Variants in CTNND2 observed in about 807,000 individuals in gnomAD.
CTNND2 encodes catenin delta-2.
CTNND2 carries 22 observed loss-of-function variants against 144.4 expected under a neutral mutation model. That is an observed-to-expected ratio of 0.15 (90% CI 0.11 to 0.22). The LOEUF (loss-of-function observed/expected upper bound fraction) is 0.22. Ranked by LOEUF, CTNND2 falls within the 10% of genes least tolerant of loss-of-function variation. CTNND2 has a pLI of 1.00. For missense variants in CTNND2, 1,353 were observed against 1,618.8 expected, an observed-to-expected ratio of 0.84 and a Z score of 2.82; for synonymous variants, 751 against 695.6, an observed-to-expected ratio of 1.08 and a Z score of -1.25.
At position 11,799,426 on chromosome 5, in the gene CTNND2, C is replaced by T. The variant is rs1418442033; in HGVS notation, c.38-67154G>A. The stretch of plus-strand genomic sequence containing the variant: ...TTTTGAGACAGAATTTCATGGCTTA[C>T]AGTTCAATGTCTCTTTCTTCTTCCT... On this transcript the variant is annotated intron_variant, in intron 1 of 21. Coordinates refer to ENST00000304623, the MANE Select transcript of CTNND2 (RefSeq NM_001332.4). Among the ~76,000 whole-genome samples, 3 of 152,150 alleles carry T rather than the reference C, an allele frequency of 2.0e-5. No individual in the cohort carries two copies. The East Asian group carries it at 5.8e-4, about 29-fold the overall frequency.
At chr5:11,622,555 C>T (rs946033880) in intron 2 of CTNND2, among the ~76,000 whole-genome samples, 1 of 152,080 alleles carries the variant, frequency 6.6e-6, no homozygotes, top group African/African-American at 2.4e-5. Context: ...CCAAACCATT[C>T]TAAAAGGTGC....
chr5:11,541,851 G>GCA (rs1774783130), intron 3 of CTNND2, among the ~76,000 whole-genome samples: 1 of 61,892 alleles, frequency 1.6e-5, no homozygotes, highest in Admixed American at 1.3e-4. Flanking sequence ...CCCCCCCCCC[G>GCA]GCCAAAAGCC....
intron 2 of CTNND2, among the ~76,000 whole-genome samples, chr5:11,589,282 AACAC>A (rs34009518): frequency 2.2e-4 from 32 of 146,704 alleles, no homozygotes; most frequent in East Asian, 1.0e-3. Context: ...TTAACATTAA[AACAC>A]ACACACACAC....
At chr5:11,570,167 C>T (rs1347176578) in intron 2 of CTNND2, among the ~76,000 whole-genome samples, 1 of 152,182 alleles carries the variant, frequency 6.6e-6, no homozygotes, top group Non-Finnish European at 1.5e-5. Context: ...CTTCTCTTCA[C>T]ACAAACATAT....
At chr5:11,625,735 T>C (rs918176129) in intron 2 of CTNND2, among the ~76,000 whole-genome samples, 25 of 152,094 alleles carry the variant, frequency 1.6e-4, no homozygotes, top group African/African-American at 5.6e-4. Flanking sequence ...GTCTCCAATA[T>C]ACATGAAGAA....
At chr5:11,662,188 T>TATATATGTATATATATGTATATATATAC (rs1783274544) in intron 2 of CTNND2, among the ~76,000 whole-genome samples, 1 of 131,498 alleles carries the variant, frequency 7.6e-6, no homozygotes, top group Non-Finnish European at 1.7e-5. Flanking sequence ...CATATATGTG[T>TATATATGTATATATATGTATATATATAC]ATATATGTGT....
intron 9 of CTNND2, among the ~76,000 whole-genome samples, chr5:11,251,382 T>A (rs1743635854): frequency 6.6e-6 from 1 of 152,172 alleles, no homozygotes; most frequent in African/African-American, 2.4e-5. Context: ...CATCTTCACA[T>A]CCTCTCCTAT....
At chr5:11,702,865 AC>A (rs771261553) in intron 2 of CTNND2, among the ~76,000 whole-genome samples, 1 of 152,134 alleles carries the variant, frequency 6.6e-6, no homozygotes. Context: ...GACATCCTGG[AC>A]CCCAAACTGG....
At chr5:11,012,859 C>T (rs553299539) in intron 18 of CTNND2, among the ~76,000 whole-genome samples, 4 of 152,132 alleles carry the variant, frequency 2.6e-5, no homozygotes, top group Admixed American at 6.5e-5. Context: ...TGGAGGAATA[C>T]GTTCATTTTG....
At chr5:11,269,902 C>T (rs975097213) in intron 9 of CTNND2, among the ~76,000 whole-genome samples, 11 of 152,010 alleles carry the variant, frequency 7.2e-5, no homozygotes, top group South Asian at 2.1e-4. Flanking sequence ...TGATTGAAAA[C>T]GAAAAAAACA....
At chr5:11,031,849 C>T (rs571556528) in intron 16 of CTNND2, among the ~76,000 whole-genome samples, 87 of 152,250 alleles carry the variant, frequency 5.7e-4, no homozygotes, top group Non-Finnish European at 6.8e-4. Context: ...CTTGGACTTA[C>T]ACCACTGGTT....
chr5:11,298,411 T>A (rs2150028121), intron 9 of CTNND2, among the ~76,000 whole-genome samples: 1 of 152,312 alleles, frequency 6.6e-6, no homozygotes, highest in South Asian at 2.1e-4. Flanking sequence ...CCTCAAGTGA[T>A]CCTCCCACCT....
intron 12 of CTNND2, among the ~76,000 whole-genome samples, chr5:11,126,195 G>A (rs991117915): frequency 2.6e-5 from 4 of 152,122 alleles, no homozygotes; most frequent in African/African-American, 9.7e-5. Flanking sequence ...CAGCTACTTG[G>A]GAGGCTGAGG....
Position 11,558,343 on chromosome 5 carries a change from T to C in CTNND2, c.287+6601A>G, listed in dbSNP as rs57666598. Among the ~76,000 whole-genome samples the C allele has an allele frequency of 7.6e-3, 357 of 47,206 alleles. 1 individual carries two copies. The highest frequency in any genetic ancestry group is 0.039 in the African/African-American group (331 of 8,576). The allele number at this position is 47,206 out of a possible 152,430, so 31.0% of individuals were successfully genotyped here. A position where few individuals can be genotyped will look rare whatever the true frequency, so the allele number is the denominator to read the frequency against. The stretch of plus-strand genomic sequence containing the variant: ...TAATACTTTGGCTGTGAGAAACACG[T>C]GTGTGTGTGTGTGTGTGTGTGTGTG... On this transcript the variant is annotated intron_variant, in intron 3 of 21. Coordinates refer to ENST00000304623, the MANE Select transcript of CTNND2 (RefSeq NM_001332.4).
intron 9 of CTNND2, among the ~76,000 whole-genome samples, chr5:11,336,848 A>AC (rs1753780602): frequency 4.6e-5 from 7 of 152,236 alleles, no homozygotes; most frequent in Non-Finnish European, 8.8e-5. Flanking sequence ...TATATGGCAC[A>AC]AACACACACA....
At chr5:11,051,922 G>A (rs1745874938) in intron 16 of CTNND2, among the ~76,000 whole-genome samples, 1 of 152,108 alleles carries the variant, frequency 6.6e-6, no homozygotes, top group Non-Finnish European at 1.5e-5. Context: ...GTAACGTTGT[G>A]CGTTTAATAA....
intron 16 of CTNND2, among the ~76,000 whole-genome samples, chr5:11,042,436 T>C (rs1017312586): frequency 1.3e-5 from 2 of 152,234 alleles, no homozygotes; most frequent in Non-Finnish European, 2.9e-5. Context: ...TAGAGAGATA[T>C]GTGGCATTAA....
intron 1 of CTNND2, among the ~76,000 whole-genome samples, chr5:11,810,949 T>C (rs1792297789): frequency 6.6e-6 from 1 of 152,110 alleles, no homozygotes; most frequent in Admixed American, 6.6e-5. Context: ...ATTTTACATA[T>C]CATCTGAATT....
At chr5:11,793,086 C>A (rs923250489) in intron 1 of CTNND2, among the ~76,000 whole-genome samples, 2 of 152,328 alleles carry the variant, frequency 1.3e-5, no homozygotes, top group Middle Eastern at 3.4e-3. Context: ...ACTAAGGTAA[C>A]TGATGTCGAT....
Sources: allele counts gnomAD v4.1 joint callset (sites outside exome capture counted in the v4.1 genomes callset), GRCh38; gene constraint gnomAD v4.1.1; transcripts MANE v1.5; gene names NCBI Gene and HGNC (gene_info 2026-07-23, HGNC 2026-07-21).